HYAL4: variants seen among roughly 807,000 people sequenced by gnomAD.
HYAL4 encodes the protein hyaluronidase 4.
HYAL4 carries 37 observed loss-of-function variants against 35.2 expected under a neutral mutation model. The observed-to-expected ratio is 1.05, with a 90% CI of 0.81 to 1.38. The LOEUF is 1.38. HYAL4 is among the 40% of genes most tolerant of loss of function. HYAL4 has a pLI of 0.00. For synonymous variants in HYAL4, 198 were observed against 203.2 expected (o/e 0.97, Z 0.22); for missense variants, 572 against 572.4 (o/e 1.00, Z 0.01).
rs1806795993 is a variant in HYAL4 at position 123,869,126 on chromosome 7, T to C, written c.853T>C (p.Ser285Pro). ...LRFSKFRVHESMRISTMTSHD... is the reference protein window; with the variant it reads ...LRFSKFRVHEPMRISTMTSHD... ...CTTCTCCAAATTTCGGGTGCATGAA[T>C]CCATGAGGATCTCCACCATGACATC... The change falls in exon 3 of 5, where the codon TCC becomes CCC. Residue 285 changes from serine (S) to proline (P), a missense_variant. Ser to Pro is a moderately conservative substitution (Grantham distance 74). Coordinates refer to ENST00000223026, the MANE Select transcript of HYAL4 (RefSeq NM_012269.3). The C allele has an allele frequency of 6.2e-7, 1 of 1,614,120 alleles. No homozygotes were observed. Among genetic ancestry groups the C allele is most frequent in the Admixed American group, 1.7e-5 (1 of 60,024 alleles).
At chr7:123,840,358 G>A (rs1436746368), upstream of HYAL4, among the ~76,000 whole-genome samples, 1 of 152,014 alleles carries the variant, frequency 6.6e-6, no homozygotes, top group Non-Finnish European at 1.5e-5. Context: ...ATCTGTTTTG[G>A]TACCAGTACC....
chr7:123,866,529 C>T (rs1806689961), intron 2 of HYAL4, among the ~76,000 whole-genome samples: 1 of 152,112 alleles, frequency 6.6e-6, no homozygotes, highest in South Asian at 2.1e-4. Context: ...GGGTCTGTAT[C>T]CGGAGCACAC....
At chr7:123,873,290 C>T (rs1223857266) in intron 3 of HYAL4, among the ~76,000 whole-genome samples, 1 of 151,930 alleles carries the variant, frequency 6.6e-6, no homozygotes, top group African/African-American at 2.4e-5. Context: ...CAGCTATGAC[C>T]TGTTCAACAG....
At chr7:123,853,318 A>C (rs938137097) in intron 2 of HYAL4, among the ~76,000 whole-genome samples, 1 of 152,202 alleles carries the variant, frequency 6.6e-6, no homozygotes, top group African/African-American at 2.4e-5. Flanking sequence ...GCTGCTTTTC[A>C]AAGGGAATGC....
chr7:123,782,043 G>A, the HYAL4 span, among the ~76,000 whole-genome samples: 1 of 151,068 alleles, frequency 6.6e-6, no homozygotes, highest in Non-Finnish European at 1.5e-5. Context: ...GAGTAGTTAA[G>A]ACTATAGGCA....
At chr7:123,826,307 G>A (rs1003525769), upstream of HYAL4, among the ~76,000 whole-genome samples, 2 of 152,044 alleles carry the variant, frequency 1.3e-5, no homozygotes, top group Non-Finnish European at 2.9e-5. Context: ...TGACTGAGAA[G>A]ATGCAGAGAG....
chr7:123,797,836 C>T, the HYAL4 span, among the ~76,000 whole-genome samples: 4 of 152,124 alleles, frequency 2.6e-5, no homozygotes, highest in Non-Finnish European at 5.9e-5. Flanking sequence ...TGCACTTTCT[C>T]TTTATCAATG....
chr7:123,824,031 G>A (rs1805765386), upstream of HYAL4, among the ~76,000 whole-genome samples: 1 of 152,084 alleles, frequency 6.6e-6, no homozygotes, highest in East Asian at 1.9e-4. Context: ...TTTTCATTCA[G>A]TGTGACACAA....
the HYAL4 span, among the ~76,000 whole-genome samples, chr7:123,772,064 T>G: frequency 1.3e-5 from 2 of 152,126 alleles, no homozygotes; most frequent in African/African-American, 4.8e-5. Context: ...GCCTTTGAAC[T>G]CAGACTGACT....
chr7:123,831,922 G>A (rs1368976727), intron 1 of HYAL4, among the ~76,000 whole-genome samples: 1 of 152,102 alleles, frequency 6.6e-6, no homozygotes, highest in African/African-American at 2.4e-5. Context: ...GAAAAGGAGT[G>A]TAATTCTTTC....
chr7:123,768,518 C>T, the HYAL4 span, among the ~76,000 whole-genome samples: 13 of 152,182 alleles, frequency 8.5e-5, no homozygotes, highest in Non-Finnish European at 1.6e-4. Flanking sequence ...GACTCAGAGA[C>T]TCGGGATGTT....
At chr7:123,871,987 A>T (rs1195058144) in intron 3 of HYAL4, among the ~76,000 whole-genome samples, 2 of 152,176 alleles carry the variant, frequency 1.3e-5, no homozygotes, top group Non-Finnish European at 2.9e-5. Flanking sequence ...TGCTTTTAAA[A>T]CATTTATTAT....
the HYAL4 span, among the ~76,000 whole-genome samples, chr7:123,783,554 C>A: frequency 6.6e-6 from 1 of 151,828 alleles, no homozygotes; most frequent in African/African-American, 2.4e-5. Context: ...GTGAGTAGAG[C>A]CTTGAAAAAA....
chr7:123,778,395 C>T, the HYAL4 span, among the ~76,000 whole-genome samples: 44 of 152,022 alleles, frequency 2.9e-4, no homozygotes, highest in African/African-American at 8.0e-4. Flanking sequence ...TGCCAATTGA[C>T]GGGGGTTCAA....
chr7:123,787,731 T>G, the HYAL4 span, among the ~76,000 whole-genome samples: 4 of 152,166 alleles, frequency 2.6e-5, no homozygotes, highest in Admixed American at 6.5e-5. Flanking sequence ...CCAAACAGTT[T>G]AATTTTGTCC....
the HYAL4 span, among the ~76,000 whole-genome samples, chr7:123,774,270 T>C: frequency 6.6e-6 from 1 of 152,092 alleles, no homozygotes; most frequent in African/African-American, 2.4e-5. Context: ...AACTCCTGGC[T>C]TCAAGCAATC....
At chr7:123,817,105 G>A in the HYAL4 span, among the ~76,000 whole-genome samples, 3 of 152,248 alleles carry the variant, frequency 2.0e-5, no homozygotes, top group East Asian at 5.8e-4. Flanking sequence ...CTTTGCACTG[G>A]ATCTCTGACT....
chr7:123,830,160 G>A (rs555226064), intron 1 of HYAL4, among the ~76,000 whole-genome samples: 33 of 152,252 alleles, frequency 2.2e-4, no homozygotes, highest in Middle Eastern at 3.4e-3. Context: ...AGGTTTTGTC[G>A]TAGTTTATTT....
At chr7:123,843,870 A>C (rs1270546457), upstream of HYAL4, among the ~76,000 whole-genome samples, 1 of 151,696 alleles carries the variant, frequency 6.6e-6, no homozygotes, top group Admixed American at 6.6e-5. Context: ...TCTTCTCCAC[A>C]CTGTTTATTC....
Sources: gnomAD v4.1 joint callset for allele counts (sites outside exome capture counted in the v4.1 genomes callset) on GRCh38, gnomAD v4.1.1 for gene constraint, MANE v1.5 for transcripts, NCBI Gene and HGNC (gene_info 2026-07-23, HGNC 2026-07-21) for gene names.